The following C12orf75 variants were observed in gnomAD, a reference collection of about 807,000 sequenced individuals.
The protein encoded by C12orf75 is overexpressed in colon carcinoma 1 protein.
A neutral mutation model predicts 11.4 loss-of-function variants in C12orf75; 4 were observed. The ratio of observed to expected loss-of-function variants is 0.35; its 90% confidence interval spans 0.17 to 0.80. The LOEUF (loss-of-function observed/expected upper bound fraction) is 0.80. Ranked by LOEUF, C12orf75 falls within the 30% of genes least tolerant of loss-of-function variation. The pLI is 0.52. For synonymous variants in C12orf75, 30 were observed against 30.0 expected, an observed-to-expected ratio of 1.00 and a Z score of 0.00; for missense variants, 89 against 80.4, an observed-to-expected ratio of 1.11 and a Z score of -0.41.
At chr12:105,359,652 T>C (rs917773457) in intron 2 of C12orf75, among the ~76,000 whole-genome samples, 2 of 151,578 alleles carry the variant, frequency 1.3e-5, no homozygotes, top group Non-Finnish European at 2.9e-5. Flanking sequence ...GTGCCTATAG[T>C]CCCAGGTATT....
At chr12:105,352,180 G>A (rs1359014849) in intron 2 of C12orf75, among the ~76,000 whole-genome samples, 1 of 152,174 alleles carries the variant, frequency 6.6e-6, no homozygotes, top group Non-Finnish European at 1.5e-5. Context: ...GTCCAAAGAG[G>A]TCATGGGGGG....
chr12:105,350,359 G>A (rs944303857), intron 2 of C12orf75, among the ~76,000 whole-genome samples: 30 of 152,218 alleles, frequency 2.0e-4, no homozygotes, highest in Admixed American at 2.0e-3. Flanking sequence ...AGAGTGAGCA[G>A]AGCCCAGGGC....
At chr12:105,336,656 G>T (rs192315600) in intron 1 of C12orf75, among the ~76,000 whole-genome samples, 6 of 152,198 alleles carry the variant, frequency 3.9e-5, no homozygotes, top group African/African-American at 1.4e-4. Flanking sequence ...GGGTAGAAGC[G>T]TTGAGGTCAC....
chr12:105,357,055 C>T (rs1013040649), intron 2 of C12orf75, among the ~76,000 whole-genome samples: 1 of 152,192 alleles, frequency 6.6e-6, no homozygotes, highest in Non-Finnish European at 1.5e-5. Context: ...GGAGGCAGCC[C>T]ACCTTCCAGA....
intron 2 of C12orf75, among the ~76,000 whole-genome samples, chr12:105,364,323 C>T (rs1235274865): frequency 6.6e-6 from 1 of 152,142 alleles, no homozygotes; most frequent in Non-Finnish European, 1.5e-5. Flanking sequence ...GACACTTGAA[C>T]TAAAAAAACA....
chr12:105,334,747 C>G (rs1021375815), intron 1 of C12orf75, among the ~76,000 whole-genome samples: 3 of 152,186 alleles, frequency 2.0e-5, no homozygotes, highest in African/African-American at 7.2e-5. Context: ...ACTTGTTTTT[C>G]CCCCGAGCAT....
chr12:105,334,746 TC>T (rs1010367111), intron 1 of C12orf75, among the ~76,000 whole-genome samples: 3 of 152,206 alleles, frequency 2.0e-5, no homozygotes, highest in Non-Finnish European at 2.9e-5. Context: ...CACTTGTTTT[TC>T]CCCCGAGCAT....
At chr12:105,346,124 A>G (rs1391225578) in intron 1 of C12orf75, among the ~76,000 whole-genome samples, 1 of 152,128 alleles carries the variant, frequency 6.6e-6, no homozygotes, top group Non-Finnish European at 1.5e-5. Flanking sequence ...CAATCAGGAA[A>G]TCTTGGAATC....
chr12:105,358,384 C>T (rs897422583), intron 2 of C12orf75, among the ~76,000 whole-genome samples: 4 of 151,902 alleles, frequency 2.6e-5, no homozygotes, highest in Admixed American at 6.6e-5. Context: ...TAGCCAGGTG[C>T]GGGGTGTGCG....
Position 105,365,676 on chromosome 12 carries a change from C to G in C12orf75, c.72-131C>G, listed in dbSNP as rs1334223768. ...ACACTTGATGGATAGTTTTGCTCCT[C>G]TACTTAAGTCTGATGGAAACATTTG... On this transcript the variant is annotated intron_variant, in intron 2 of 5. Transcript: ENST00000443585. 3 of 681,328 alleles carry G rather than the reference C, an allele frequency of 4.4e-6. No homozygotes were observed. In the African/African-American group the frequency reaches 5.4e-5, roughly 12 times the overall value. 42.2% of individuals were successfully genotyped at this position (681,328 alleles called of 1,614,324 possible). A position where few individuals can be genotyped will look rare whatever the true frequency, so the allele number is the denominator to read the frequency against.
chr12:105,333,129 C>T (rs1168513692), intron 1 of C12orf75, among the ~76,000 whole-genome samples: 2 of 152,172 alleles, frequency 1.3e-5, no homozygotes, highest in Non-Finnish European at 2.9e-5. Context: ...GGAGTTATTG[C>T]ATCACCTCTT....
intron 1 of C12orf75, among the ~76,000 whole-genome samples, chr12:105,347,247 C>G (rs535640852): frequency 1.3e-5 from 2 of 152,230 alleles, no homozygotes; most frequent in East Asian, 3.9e-4. Context: ...TTAGGGTTCT[C>G]CAGAGGGAGA....
chr12:105,330,803 C>A lies in C12orf75; in HGVS notation c.-89C>A. The A allele has an allele frequency of 1.7e-6, 2 of 1,201,434 alleles. No homozygotes were observed. Among genetic ancestry groups the A allele is most frequent in the Non-Finnish European group, 2.1e-6 (2 of 965,914 alleles). The allele number at this position is 1,201,434 out of a possible 1,614,324, so 74.4% of individuals were successfully genotyped here. A position where few individuals can be genotyped will look rare whatever the true frequency, so the allele number is the denominator to read the frequency against. The stretch of plus-strand genomic sequence containing the variant: ...CCCTCGCGGCCCCGTCAGCCTCCCG[C>A]TCGGGGTGCGCCGCCCTTCGTCTGG... On this transcript the variant is annotated 5_prime_UTR_variant, in exon 1 of 6. Transcript: ENST00000443585.
chr12:105,336,269 G>GC (rs1421859911), intron 1 of C12orf75, among the ~76,000 whole-genome samples: 3 of 152,220 alleles, frequency 2.0e-5, no homozygotes, highest in African/African-American at 7.2e-5. Context: ...AGGCACTGAG[G>GC]CCACAGAGTT....
At chr12:105,349,487 T>A (rs1892683944) in intron 2 of C12orf75, among the ~76,000 whole-genome samples, 1 of 152,234 alleles carries the variant, frequency 6.6e-6, no homozygotes, top group Non-Finnish European at 1.5e-5. Context: ...ATCTTCCTGC[T>A]GGCACAGGGA....
At chr12:105,365,666 T>G in intron 2 of C12orf75, 141 bp from the exon 3 acceptor site, 1 of 660,644 alleles carries the variant, frequency 1.5e-6, no homozygotes, top group South Asian at 1.8e-5. Flanking sequence ...TGATGGATAG[T>G]TTTGCTCCTC....
intron 2 of C12orf75, 120 bp from the exon 3 acceptor site, chr12:105,365,687 T>C: frequency 1.4e-6 from 1 of 721,214 alleles, no homozygotes; most frequent in Non-Finnish European, 2.5e-6. Context: ...TACTTAAGTC[T>C]GATGGAAACA....
At chr12:105,364,837 CTTTTTTTT>C (rs71440583) in intron 2 of C12orf75, among the ~76,000 whole-genome samples, 2 of 125,698 alleles carry the variant, frequency 1.6e-5, no homozygotes, top group East Asian at 2.2e-4. Context: ...ATATGGACTC[CTTTTTTTT>C]TTTTTTTTTT....
rs1366483973 is a variant in C12orf75 at position 105,330,878 on chromosome 12, C to G, written c.-14C>G. The G allele has an allele frequency of 1.4e-5, 18 of 1,253,942 alleles. No homozygotes were observed. Among genetic ancestry groups the G allele is most frequent in the Non-Finnish European group, 1.7e-5 (17 of 1,000,296 alleles). The allele number at this position is 1,253,942 out of a possible 1,614,324, so 77.7% of individuals were successfully genotyped here. Reference sequence around the variant, plus strand: ...CGAGAGCTCCGGAGCGCGGCTTCCCCGGCCGGCTGCGCGATGGGCTGCGGG... The same window carrying G: ...CGAGAGCTCCGGAGCGCGGCTTCCCGGGCCGGCTGCGCGATGGGCTGCGGG... On this transcript the variant is annotated 5_prime_UTR_variant, in exon 1 of 6. Coordinates refer to ENST00000443585, the MANE Select transcript of C12orf75 (RefSeq NM_001145199.2).
Sources: allele counts gnomAD v4.1 joint callset (sites outside exome capture counted in the v4.1 genomes callset), GRCh38; gene constraint gnomAD v4.1.1; transcripts MANE v1.5; gene names NCBI Gene and HGNC (gene_info 2026-07-23, HGNC 2026-07-21).